DDX25: variants seen among roughly 807,000 people sequenced by gnomAD.
DDX25 encodes the protein ATP-dependent RNA helicase DDX25.
Under a neutral mutation model 64.6 loss-of-function variants are expected in DDX25, and 70 were observed. The ratio of observed to expected loss-of-function variants is 1.08; its 90% CI spans 0.89 to 1.32. The LOEUF (loss-of-function observed/expected upper bound fraction) is 1.32. DDX25 is among the 40% of genes most tolerant of loss of function. The pLI is 0.00. For synonymous variants in DDX25, 211 were observed against 213.3 expected, an observed-to-expected ratio of 0.99 and a Z score of 0.09; for missense variants, 587 against 604.4, an observed-to-expected ratio of 0.97 and a Z score of 0.30.
intron 9 of DDX25, 134 bp downstream of exon 9, chr11:125,917,385 G>A (rs1171505086): frequency 1.3e-6 from 1 of 783,344 alleles, no homozygotes; most frequent in East Asian, 2.7e-5. Flanking sequence ...CTTCAGAACA[G>A]CTCTAAACAG....
In DDX25 at chr11:125,909,122, T is replaced by A. The variant is rs145533951; in HGVS notation, c.507+619T>A. Among the ~76,000 whole-genome samples the A allele has an allele frequency of 2.5e-4, 38 of 152,232 alleles. No individual in the cohort carries two copies. The East Asian group carries it at 6.4e-3, about 26-fold the overall frequency. ...CCGGTTTACCATTCTCCTAGTGTAG[T>A]TTCCACTCATGAAAAGTATCTGGTC... On this transcript the variant is annotated intron_variant, in intron 6 of 11. Coordinates refer to ENST00000263576, the MANE Select transcript of DDX25 (RefSeq NM_013264.5).
rs973493985 is a variant in DDX25, at chr11:125,910,342, C to T, written c.508-22C>T. On this transcript the variant is annotated intron_variant, in intron 6 of 11. Coordinates refer to ENST00000263576, the MANE Select transcript of DDX25 (RefSeq NM_013264.5). ...TGCCTGTAAGAACCTTTCTCCTCCC[C>T]TCTTCTCTCTCTATCCCACAGTGCC... The T allele has an allele frequency of 1.9e-6, 3 of 1,604,678 alleles. No individual in the cohort carries two copies. The East Asian group carries it at 6.7e-5, about 36-fold the overall frequency.
At position 125,908,500 on chromosome 11, in the gene DDX25, A is replaced by C. The variant is rs758828600; in HGVS notation, c.504A>C (p.Pro168=). 1.4e-5 allele frequency: 22 copies of C among 1,613,216 alleles called. No homozygotes were observed. In the South Asian group the frequency reaches 2.4e-4, roughly 18 times the overall value. Residue 168 remains proline (P), a synonymous_variant, in exon 6 of 12, where the codon CCA becomes CCC. Transcript: ENST00000263576. Reference sequence around the variant, plus strand: ...GAGTTAATGCCTTGGAATTGTTCCCACAGGTAAGGGAAGGCTGAGAGAAGA... The same window carrying C: ...GAGTTAATGCCTTGGAATTGTTCCCCCAGGTAAGGGAAGGCTGAGAGAAGA... ...LSRVNALELF[P]QCLCLAPTYE... is the part of the protein sequence containing the mutation.
At chr11:125,908,526 C>G (rs780713526) in intron 6 of DDX25, 23 bp downstream of exon 6, 1 of 1,608,214 alleles carries the variant, frequency 6.2e-7, no homozygotes, top group South Asian at 1.1e-5. Context: ...TGAGAGAAGA[C>G]TGGGAATGCT....
chr11:125,907,337 G>T (rs531678808), intron 4 of DDX25, among the ~76,000 whole-genome samples: 2 of 152,138 alleles, frequency 1.3e-5, no homozygotes, highest in Non-Finnish European at 2.9e-5. Flanking sequence ...GGCCGGGCGC[G>T]GTGGCTCACG....
intron 1 of DDX25, 178 bp downstream of exon 1, chr11:125,904,758 C>T (rs565448586): frequency 3.9e-6 from 3 of 773,956 alleles, no homozygotes; most frequent in East Asian, 5.7e-5. Context: ...CGTCCCCACC[C>T]CCACGAGAGG....
In DDX25 at chr11:125,917,211, A is replaced by G. The variant is rs1324029813; in HGVS notation, c.998A>G (p.Tyr333Cys). Residue 333 changes from tyrosine to cysteine, a missense_variant, in exon 9 of 12, where the codon TAT becomes TGT. By Grantham distance (194) the Tyr-to-Cys change is radical. Coordinates refer to ENST00000263576, the MANE Select transcript of DDX25 (RefSeq NM_013264.5). ...AAATACCAAGCTCTGTGCAACATTT[A>G]TGGCAGCATCACCATTGGTCAGGCC... Reference protein sequence around the residue: ...KDKYQALCNIYGSITIGQAII... With the variant: ...KDKYQALCNICGSITIGQAII... 1 of 1,610,058 alleles carries G rather than the reference A, an allele frequency of 6.2e-7. No homozygotes were observed. The highest frequency in any genetic ancestry group is 8.5e-7 in the Non-Finnish European group (1 of 1,178,426).
intron 4 of DDX25, among the ~76,000 whole-genome samples, chr11:125,907,460 T>C (rs942450867): frequency 2.6e-5 from 4 of 151,834 alleles, no homozygotes; most frequent in African/African-American, 9.7e-5. Flanking sequence ...TACAAAAAAT[T>C]AGCCAGGTGT....
intron 4 of DDX25, 145 bp downstream of exon 4, chr11:125,906,354 C>A: frequency 9.1e-7 from 1 of 1,096,510 alleles, no homozygotes; most frequent in Non-Finnish European, 1.2e-6. Context: ...GAGTCTCACT[C>A]TGTCCCCCAG....
intron 2 of DDX25, 135 bp downstream of exon 2, chr11:125,905,413 C>G: frequency 1.5e-6 from 2 of 1,331,520 alleles, no homozygotes; most frequent in Non-Finnish European, 1.0e-6. Flanking sequence ...CCTTCCCAAT[C>G]GTTTCGTCCA....
chr11:125,904,230 G>A (rs1022860075), upstream of DDX25: 1 of 315,780 alleles, frequency 3.2e-6, no homozygotes, highest in Non-Finnish European at 5.8e-6. Context: ...CCACTCTGCG[G>A]AAGCTGCCCC....
At chr11:125,905,181 A>C (rs1029344487) in intron 1 of DDX25, 31 bp from the exon 2 acceptor site, 42 of 1,548,868 alleles carry the variant, frequency 2.7e-5, no homozygotes, top group Non-Finnish European at 3.5e-5. Context: ...CTTGCATCCT[A>C]ATATTGGTTG....
At chr11:125,906,823 CAAAAAAAA>C (rs548482997) in intron 4 of DDX25, among the ~76,000 whole-genome samples, 2 of 111,966 alleles carry the variant, frequency 1.8e-5, no homozygotes, top group East Asian at 2.6e-4. Flanking sequence ...GACTCCGTCT[CAAAAAAAA>C]AAAAAAAAAG....
At chr11:125,907,922 T>C (rs151095198) in intron 4 of DDX25, among the ~76,000 whole-genome samples, 2 of 152,342 alleles carry the variant, frequency 1.3e-5, no homozygotes, top group Non-Finnish European at 2.9e-5. Context: ...GATGAGTTTT[T>C]CCATTTTTGC....
chr11:125,916,550 T>G (rs1945039524), intron 8 of DDX25, among the ~76,000 whole-genome samples: 1 of 152,208 alleles, frequency 6.6e-6, no homozygotes, highest in Non-Finnish European at 1.5e-5. Flanking sequence ...TTGCTCCCCT[T>G]TAATTTGTAT....
intron 6 of DDX25, among the ~76,000 whole-genome samples, chr11:125,908,784 A>G (rs1944928800): frequency 6.6e-6 from 1 of 152,240 alleles, no homozygotes; most frequent in Non-Finnish European, 1.5e-5. Context: ...CTGTAAAGAT[A>G]GCATCTGTAA....
chr11:125,906,237 G>C, intron 4 of DDX25, 28 bp downstream of exon 4: 4 of 1,515,326 alleles, frequency 2.6e-6, no homozygotes, highest in Non-Finnish European at 2.6e-6. Context: ...TTTAATATGG[G>C]AAAAATGCTG....
chr11:125,920,827 T>C (rs646488), intron 10 of DDX25: 127,906 of 184,122 alleles, frequency 0.69, 44,805 homozygotes, highest in Admixed American at 0.74. Context: ...TGTGAGACTA[T>C]GGGGCCTGCT....
Position 125,921,265 on chromosome 11 carries a change from G to A in DDX25, c.1276G>A (p.Glu426Lys), listed in dbSNP as rs1359132671. 2 of 1,613,320 alleles carry A rather than the reference G, an allele frequency of 1.2e-6. No homozygotes were observed. Among genetic ancestry groups the A allele is most frequent in the Admixed American group, 1.7e-5 (1 of 59,928 alleles). The change falls in exon 11 of 12, where the codon GAG becomes AAG. Residue 426 changes from glutamate (E) to lysine (K), a missense_variant. Coordinates refer to ENST00000263576, the MANE Select transcript of DDX25 (RefSeq NM_013264.5). The surrounding 1 kb of genome is among the most constrained non-coding windows in gnomAD (Gnocchi z 4.1). ...AAAACAAGGAGAGGAGCCGGACTAT[G>A]AGACCTACCTCCACCGCATAGGGCG... ...PVKQGEEPDY[E>K]TYLHRIGRTG...
Sources: gnomAD v4.1 joint callset for allele counts (sites outside exome capture counted in the v4.1 genomes callset) on GRCh38, gnomAD v4.1.1 for gene constraint, Gnocchi (gnomAD v3.1) non-coding constraint, MANE v1.5 for transcripts, NCBI Gene and HGNC (gene_info 2026-07-23, HGNC 2026-07-21) for gene names.